Variants in CTNNA3 observed in about 807,000 individuals in gnomAD.
The protein encoded by CTNNA3 is catenin alpha 3.
Under a neutral mutation model 95.7 loss-of-function variants are expected in CTNNA3, and 76 were observed. The ratio of observed to expected loss-of-function variants is 0.79; its 90% CI spans 0.66 to 0.96. CTNNA3 has a LOEUF of 0.96. Among genes scored for constraint, CTNNA3 ranks in the 40% least tolerant of loss-of-function variants. The pLI is 0.00. For synonymous variants in CTNNA3, 431 were observed against 374.4 expected, an observed-to-expected ratio of 1.15 and a Z score of -1.74; for missense variants, 1,191 against 1,089.8, an observed-to-expected ratio of 1.09 and a Z score of -1.31.
At chr10:66,875,456 A>G (rs1409539869) in intron 7 of CTNNA3, among the ~76,000 whole-genome samples, 1 of 152,078 alleles carries the variant, frequency 6.6e-6, no homozygotes, top group East Asian at 1.9e-4. Context: ...TCAGTCAACC[A>G]GTTCCAAATC....
At chr10:66,554,418 ATT>A (rs200353824) in intron 10 of CTNNA3, among the ~76,000 whole-genome samples, 10 of 147,168 alleles carry the variant, frequency 6.8e-5, no homozygotes, top group African/African-American at 2.4e-4. Flanking sequence ...CTTAGTCATA[ATT>A]TTTAAAAAAA....
At chr10:67,404,752 T>C (rs1024797287) in intron 5 of CTNNA3, among the ~76,000 whole-genome samples, 4 of 151,886 alleles carry the variant, frequency 2.6e-5, no homozygotes, top group African/African-American at 9.7e-5. Context: ...CCCCAAAACA[T>C]GTAATCATCA....
At chr10:67,273,810 A>G (rs1839075452) in intron 5 of CTNNA3, among the ~76,000 whole-genome samples, 1 of 152,222 alleles carries the variant, frequency 6.6e-6, no homozygotes, top group South Asian at 2.1e-4. Flanking sequence ...AGACTTACAC[A>G]AAACAGAATG....
At chr10:66,659,221 C>A (rs574979029) in intron 9 of CTNNA3, among the ~76,000 whole-genome samples, 2 of 149,130 alleles carry the variant, frequency 1.3e-5, no homozygotes, top group Non-Finnish European at 3.0e-5. Flanking sequence ...CACACACATA[C>A]GTGTAGTTCA....
At chr10:66,185,891 T>C (rs902027514) in intron 13 of CTNNA3, among the ~76,000 whole-genome samples, 1 of 151,962 alleles carries the variant, frequency 6.6e-6, no homozygotes, top group African/African-American at 2.4e-5. Context: ...TATACTTATA[T>C]ATATGTATAC....
At chr10:66,823,345 T>C (rs1041569298) in intron 7 of CTNNA3, among the ~76,000 whole-genome samples, 1 of 152,208 alleles carries the variant, frequency 6.6e-6, no homozygotes, top group African/African-American at 2.4e-5. Flanking sequence ...TGCAAAATCC[T>C]TTTGTTATTA....
chr10:66,335,250 C>T (rs1481467675), intron 12 of CTNNA3, among the ~76,000 whole-genome samples: 1 of 152,070 alleles, frequency 6.6e-6, no homozygotes, highest in Non-Finnish European at 1.5e-5. Flanking sequence ...ATTCTCTGTC[C>T]ACCTTTGTTC....
chr10:66,781,640 G>C (rs1290184002), intron 7 of CTNNA3, among the ~76,000 whole-genome samples: 1 of 152,136 alleles, frequency 6.6e-6, no homozygotes, highest in African/African-American at 2.4e-5. Context: ...TATAAGAATA[G>C]AATGATTTAG....
At chr10:66,973,899 G>A (rs1366539766) in intron 7 of CTNNA3, among the ~76,000 whole-genome samples, 3 of 152,116 alleles carry the variant, frequency 2.0e-5, no homozygotes, top group African/African-American at 7.2e-5. Context: ...TGGGATTACA[G>A]GCGTGAACCA....
chr10:66,852,859 A>C (rs1487193203), intron 7 of CTNNA3, among the ~76,000 whole-genome samples: 1 of 152,208 alleles, frequency 6.6e-6, no homozygotes, highest in African/African-American at 2.4e-5. Context: ...ATTAGCAGTA[A>C]TGTTTTTGTT....
chr10:66,280,704 G>T, intron 12 of CTNNA3, 83 bp from the exon 13 acceptor site: 1 of 1,066,968 alleles, frequency 9.4e-7, no homozygotes, highest in South Asian at 1.8e-5. Flanking sequence ...TGTAGAATTT[G>T]GTTTTAAACA....
At chr10:67,320,831 TAGTC>T (rs374433886) in intron 5 of CTNNA3, among the ~76,000 whole-genome samples, 140 of 152,328 alleles carry the variant, frequency 9.2e-4, no homozygotes, top group African/African-American at 3.1e-3. Context: ...AGCAGACCCT[TAGTC>T]AGTGAATTAA....
intron 10 of CTNNA3, among the ~76,000 whole-genome samples, chr10:66,543,891 T>G (rs1309102947): frequency 1.4e-5 from 2 of 141,924 alleles, no homozygotes; most frequent in Non-Finnish European, 3.0e-5. Flanking sequence ...TAGCTAATCC[T>G]TCTTGAGATG....
chr10:67,497,121 C>T (rs1839049960), intron 5 of CTNNA3, among the ~76,000 whole-genome samples: 1 of 152,094 alleles, frequency 6.6e-6, no homozygotes, highest in Non-Finnish European at 1.5e-5. Flanking sequence ...TGTGATGTTC[C>T]CCTCCCTGTG....
At chr10:66,096,983 G>T (rs912661310) in intron 14 of CTNNA3, among the ~76,000 whole-genome samples, 6 of 152,160 alleles carry the variant, frequency 3.9e-5, no homozygotes, top group African/African-American at 1.4e-4. Flanking sequence ...ATAAGAACTT[G>T]ACAACTATTG....
chr10:67,675,846 TTTTAA>T (rs1227038187), intron 1 of CTNNA3, among the ~76,000 whole-genome samples: 2 of 152,182 alleles, frequency 1.3e-5, no homozygotes, highest in Non-Finnish European at 2.9e-5. Context: ...TTTTTCAGTC[TTTTAA>T]TTAATTAATT....
intron 7 of CTNNA3, among the ~76,000 whole-genome samples, chr10:66,789,935 A>C (rs575964109): frequency 6.6e-6 from 1 of 152,266 alleles, no homozygotes; most frequent in African/African-American, 2.4e-5. Context: ...AGGATACTGA[A>C]TGTTAGCTCA....
chr10:66,216,902 C>A (rs1031478342), intron 13 of CTNNA3, among the ~76,000 whole-genome samples: 1 of 152,072 alleles, frequency 6.6e-6, no homozygotes, highest in African/African-American at 2.4e-5. Context: ...TTGTAACTAC[C>A]ATCACCACAG....
chr10:67,371,220 T>A lies in CTNNA3; in HGVS notation c.579+150622A>T, dbSNP rs1016038422. Among the ~76,000 whole-genome samples, 9 of 151,510 alleles carry A rather than the reference T, an allele frequency of 5.9e-5. No homozygotes were observed. The East Asian group carries it at 1.5e-3, about 26-fold the overall frequency. ...CCTTTTTTTCTTCCCATTTTTCTTTTTATATATACATATTTTTTTTCTATT... is the reference window on the plus strand; with the variant it reads ...CCTTTTTTTCTTCCCATTTTTCTTTATATATATACATATTTTTTTTCTATT... On this transcript the variant is annotated intron_variant, in intron 5 of 17. Coordinates refer to ENST00000433211, the MANE Select transcript of CTNNA3 (RefSeq NM_013266.4).
Sources: gnomAD v4.1 joint callset for allele counts (sites outside exome capture counted in the v4.1 genomes callset) on GRCh38, gnomAD v4.1.1 for gene constraint, MANE v1.5 for transcripts, NCBI Gene and HGNC (gene_info 2026-07-23, HGNC 2026-07-21) for gene names.